COL11A2: variants seen among roughly 807,000 people sequenced by gnomAD.
COL11A2 encodes collagen alpha-2(XI) chain.
In COL11A2, 116 loss-of-function variants were observed where a neutral mutation model predicts 273.4. The observed-to-expected ratio is 0.42, with a 90% CI of 0.36 to 0.49. COL11A2 has a LOEUF of 0.49. COL11A2 is among the 20% of genes least tolerant of loss of function. The pLI is 0.00. For missense variants in COL11A2, 1,866 were observed against 2,309.0 expected, an observed-to-expected ratio of 0.81 and a Z score of 3.93; for synonymous variants, 782 against 864.2, an observed-to-expected ratio of 0.90 and a Z score of 1.67.
rs1295499564 is a variant in COL11A2, at chr6:33,179,826, T to C, written c.1360-21A>G. On this transcript the variant is annotated intron_variant, in intron 12 of 65. Coordinates refer to ENST00000341947, the MANE Select transcript of COL11A2 (RefSeq NM_080680.3). The surrounding 1 kb of genome is among the most constrained non-coding windows in gnomAD (Gnocchi z 6.4). ...CGGAACTGAGGTCAAGGAGAGAAGG[T>C]CCAGGTTCTCTTCCAAGAAAGCCAT... is the stretch of plus-strand genomic sequence containing the variant. 3 of 1,603,430 alleles carry C rather than the reference T, an allele frequency of 1.9e-6. No individual in the cohort carries two copies. Among genetic ancestry groups the C allele is most frequent in the Non-Finnish European group, 2.5e-6 (3 of 1,176,556 alleles).
At chr6:33,193,428 CCT>C (rs1773504567), upstream of COL11A2, among the ~76,000 whole-genome samples, 1 of 145,438 alleles carries the variant, frequency 6.9e-6, no homozygotes, top group African/African-American at 2.5e-5. Flanking sequence ...CCTCTCCCCC[CCT>C]CCCCGACAAA....
chr6:33,173,711 G>C lies in COL11A2; in HGVS notation c.2618C>G (p.Pro873Arg). The C allele has an allele frequency of 1.3e-6, 2 of 1,573,216 alleles. No homozygotes were observed. Among genetic ancestry groups the C allele is most frequent in the Non-Finnish European group, 1.7e-6 (2 of 1,158,156 alleles). The change falls in exon 35 of 66, where the codon CCT becomes CGT. Residue 873 changes from proline to arginine, a missense_variant. By Grantham distance (103) the Pro-to-Arg change is moderately radical. Coordinates refer to ENST00000341947, the MANE Select transcript of COL11A2 (RefSeq NM_080680.3). The surrounding 1 kb of genome is among the most constrained non-coding windows in gnomAD (Gnocchi z 6.3). Reference sequence around the variant, plus strand: ...TCGATCCACACTCACCCTCTCTCCAGGGGGCCCATGGGGGCCATCACCACC... The same window carrying C: ...TCGATCCACACTCACCCTCTCTCCACGGGGCCCATGGGGGCCATCACCACC... Reference protein sequence around the residue: ...TSGGDGPHGPPGERGLPGPQG... With the variant: ...TSGGDGPHGPRGERGLPGPQG...
At position 33,178,088 on chromosome 6, in the gene COL11A2, G is replaced by A; in HGVS notation, c.1872+44C>T. On this transcript the variant is annotated intron_variant, in intron 21 of 65. Transcript: ENST00000341947. The surrounding 1 kb of genome is among the most constrained non-coding windows in gnomAD (Gnocchi z 4.6). ...AGCTAGAAAGGTGGAGAGTTGGAGA[G>A]GTCAAGGGGTCACCTCAGGGTCAGA... 6.3e-7 allele frequency: 1 copy of A among 1,582,916 alleles called. No homozygotes were observed. The highest frequency in any genetic ancestry group is 8.6e-7 in the Non-Finnish European group (1 of 1,158,470).
At chr6:33,180,362 G>T in intron 11 of COL11A2, 30 bp from the exon 12 acceptor site, 1 of 1,580,508 alleles carries the variant, frequency 6.3e-7, no homozygotes, top group Non-Finnish European at 8.7e-7. Flanking sequence ...CAAAAGATGG[G>T]GTGAAAGATA....
chr6:33,165,008 G>A lies in COL11A2; in HGVS notation c.4751-44C>T. 1.4e-6 allele frequency: 2 copies of A among 1,460,022 alleles called. No individual in the cohort carries two copies. Among genetic ancestry groups the A allele is most frequent in the Non-Finnish European group, 1.9e-6 (2 of 1,063,784 alleles). 90.4% of individuals were successfully genotyped at this position (1,460,022 alleles called of 1,614,324 possible). A position where few individuals can be genotyped will look rare whatever the true frequency, so the allele number is the denominator to read the frequency against. ...GGGAGGTCAGGGCCACCTAGGTCCA[G>A]GCTCCAAGATGCTCTTTGCCCCCAC... On this transcript the variant is annotated intron_variant, in intron 63 of 65. Coordinates refer to ENST00000341947, the MANE Select transcript of COL11A2 (RefSeq NM_080680.3). This position sits in a 1 kb window ranked among gnomAD's most constrained non-coding sequence, Gnocchi z 7.7.
Position 33,171,756 on chromosome 6 carries a change from C to G in COL11A2, c.3107G>C (p.Gly1036Ala), listed in dbSNP as rs763713124. ...TGCTGCTCCAGGGGGACCCTGCGGG[C>G]CTGGGCGCCCTGGCGGACCAATGGG... ...GGPIGPPGRP[G>A]PQGPPGAAGE... is the part of the protein sequence containing the mutation. Residue 1036 changes from glycine to alanine, a missense_variant, in exon 42 of 66, where the codon GGC (glycine) becomes GCC (alanine). Coordinates refer to ENST00000341947, the MANE Select transcript of COL11A2 (RefSeq NM_080680.3). 5 of 1,613,016 alleles carry G rather than the reference C, an allele frequency of 3.1e-6. No homozygotes were observed. The highest frequency in any genetic ancestry group is 4.2e-6 in the Non-Finnish European group (5 of 1,179,992).
chr6:33,186,741 G>T lies in COL11A2; in HGVS notation c.684C>A (p.Cys228Ter), dbSNP rs773455327. ...GGGGTCTTTCCCTCTGGCCCCCCTCGCATTCCAGCTCCTTCTGTTCACATG... is the reference window on the plus strand; with the variant it reads ...GGGGTCTTTCCCTCTGGCCCCCCTCTCATTCCAGCTCCTTCTGTTCACATG... The part of the protein sequence containing the change: ...YESCEQKELE[C>*]EGGQRERPQN... Residue 228 changes from cysteine to a stop codon, truncating the protein, a stop_gained, in exon 5 of 66, where the codon TGC becomes TGA. Transcript: ENST00000341947. LOFTEE classifies it high-confidence loss of function. 2 of 1,614,084 alleles carry T rather than the reference G, an allele frequency of 1.2e-6. No individual in the cohort carries two copies. The highest frequency in any genetic ancestry group is 3.3e-5 in the Admixed American group (2 of 60,008).
At position 33,164,604 on chromosome 6, in the gene COL11A2, G is replaced by A; in HGVS notation, c.4864-131C>T. 2 of 844,880 alleles carry A rather than the reference G, an allele frequency of 2.4e-6. No homozygotes were observed. Among genetic ancestry groups the A allele is most frequent in the Non-Finnish European group, 3.6e-6 (2 of 556,106 alleles). The allele number at this position is 844,880 out of a possible 1,614,324, so 52.3% of individuals were successfully genotyped here. ...CCAGAGTCATGAGCAGGGAATGGCT[G>A]GAAGGCAAGGGCTGGGAAAGAAGTG... On this transcript the variant is annotated intron_variant, in intron 64 of 65. Transcript: ENST00000341947. The surrounding 1 kb of genome is among the most constrained non-coding windows in gnomAD (Gnocchi z 4.7).
Position 33,179,560 on chromosome 6 carries a change from C to T in COL11A2, c.1447-73G>A. On this transcript the variant is annotated intron_variant, in intron 13 of 65. Transcript: ENST00000341947. The surrounding 1 kb of genome is among the most constrained non-coding windows in gnomAD (Gnocchi z 6.4). The stretch of plus-strand genomic sequence containing the variant: ...CCCCAGCCCCAGCACTCTCCAAATT[C>T]ACCCTTCCTCTCCTGATCCTCATCC... 6.8e-7 allele frequency: 1 copy of T among 1,470,968 alleles called. No individual in the cohort carries two copies. Among genetic ancestry groups the T allele is most frequent in the South Asian group, 1.2e-5 (1 of 82,696 alleles). The allele number at this position is 1,470,968 out of a possible 1,614,324, so 91.1% of individuals were successfully genotyped here.
In COL11A2 at chr6:33,177,564, A is replaced by C; in HGVS notation, c.1917+98T>G. The C allele has an allele frequency of 6.3e-7, 1 of 1,584,798 alleles. No individual in the cohort carries two copies. Among genetic ancestry groups the C allele is most frequent in the Non-Finnish European group, 8.7e-7 (1 of 1,155,732 alleles). On this transcript the variant is annotated intron_variant, in intron 22 of 65. Coordinates refer to ENST00000341947, the MANE Select transcript of COL11A2 (RefSeq NM_080680.3). The surrounding 1 kb of genome is among the most constrained non-coding windows in gnomAD (Gnocchi z 5.9). ...CAGCAGCGATAGCCAAGAAGGCAAG[A>C]GCAGGAAGCAGGCAGGGGTCAAAAT...
chr6:33,167,595 G>C lies in COL11A2; in HGVS notation c.4015-62C>G. On this transcript the variant is annotated intron_variant, in intron 55 of 65. Coordinates refer to ENST00000341947, the MANE Select transcript of COL11A2 (RefSeq NM_080680.3). This position sits in a 1 kb window ranked among gnomAD's most constrained non-coding sequence, Gnocchi z 6.1. ...AGGAGTGGGGTGTGGGCAGGGGGCA[G>C]AGGGTCCAAGGTGGGAGGCAGGAGG... is the stretch of plus-strand genomic sequence containing the variant. The C allele has an allele frequency of 6.3e-7, 1 of 1,584,776 alleles. No homozygotes were observed. Among genetic ancestry groups the C allele is most frequent in the Non-Finnish European group, 8.6e-7 (1 of 1,158,552 alleles).
intron 1 of COL11A2, among the ~76,000 whole-genome samples, chr6:33,191,370 C>G (rs367760610): frequency 6.6e-6 from 1 of 152,258 alleles, no homozygotes; most frequent in Non-Finnish European, 1.5e-5. Context: ...TTCCAGCCTG[C>G]TGAGGACCTG....
At chr6:33,187,307 A>G (rs929119179) in intron 4 of COL11A2, among the ~76,000 whole-genome samples, 2 of 152,186 alleles carry the variant, frequency 1.3e-5, no homozygotes, top group Admixed American at 6.5e-5. Flanking sequence ...CTGAGTTCCA[A>G]TGGCATTTAC....
intron 4 of COL11A2, 59 bp from the exon 5 acceptor site, chr6:33,186,877 C>A: frequency 6.2e-7 from 1 of 1,609,226 alleles, no homozygotes. Context: ...AGGGTATCAT[C>A]CGGGAGAAAG....
chr6:33,184,444 G>A, intron 7 of COL11A2, 120 bp from the exon 8 acceptor site: 3 of 676,838 alleles, frequency 4.4e-6, no homozygotes, highest in Non-Finnish European at 6.5e-6. Context: ...AATCAGAACT[G>A]GATTTTTTCT....
rs1248348151 is a variant in COL11A2, at chr6:33,168,974, G to C, written c.3833C>G (p.Pro1278Arg). ...PVGFPGDPGP[P>R]GEGGPRGQDG... ...ACTCACCCGAGGGCCACCTTCTCCAGGGGGGCCAGGGTCACCAGGAAAACC... is the reference window on the plus strand; with the variant it reads ...ACTCACCCGAGGGCCACCTTCTCCACGGGGGCCAGGGTCACCAGGAAAACC... Residue 1278 changes from proline to arginine, a missense_variant, in exon 52 of 66, where the codon CCT becomes CGT. Transcript: ENST00000341947. 1 of 1,602,046 alleles carries C rather than the reference G, an allele frequency of 6.2e-7. No individual in the cohort carries two copies. Among genetic ancestry groups the C allele is most frequent in the Non-Finnish European group, 8.5e-7 (1 of 1,175,420 alleles).
rs570441175 is a variant in COL11A2, at chr6:33,168,778, G to A, written c.3853-19C>T. The stretch of plus-strand genomic sequence containing the variant: ...CCTGGCCCTGCAGAAGTGAAGCAAG[G>A]TCAGAGGTGGGCCCCCAACCTGGCT... On this transcript the variant is annotated intron_variant, in intron 52 of 65. Transcript: ENST00000341947. 10 of 1,597,480 alleles carry A rather than the reference G, an allele frequency of 6.3e-6. No homozygotes were observed. The highest frequency in any genetic ancestry group is 8.5e-6 in the Non-Finnish European group (10 of 1,171,894).
Position 33,189,056 on chromosome 6 carries a change from A to C in COL11A2, c.365T>G (p.Phe122Cys). ...LGLELGRPVR[F>C]LYEDQTGRPQ... is the part of the protein sequence containing the mutation. ...CCGCCCAGTCTGGTCTTCATACAGG[A>C]AGCGGACAGGTCGGCCCAGCTCCAG... Residue 122 changes from phenylalanine to cysteine, a missense_variant, in exon 3 of 66, where the codon TTC (phenylalanine) becomes TGC (cysteine). Phe to Cys is a radical substitution (Grantham distance 205). Transcript: ENST00000341947. This position sits in a 1 kb window ranked among gnomAD's most constrained non-coding sequence, Gnocchi z 5.6. 1 of 1,614,172 alleles carries C rather than the reference A, an allele frequency of 6.2e-7. No homozygotes were observed. The highest frequency in any genetic ancestry group is 8.5e-7 in the Non-Finnish European group (1 of 1,180,022).
At chr6:33,182,201 G>C (rs557913493) in intron 8 of COL11A2, among the ~76,000 whole-genome samples, 2 of 152,124 alleles carry the variant, frequency 1.3e-5, no homozygotes, top group African/African-American at 4.8e-5. Flanking sequence ...TTGAACCCAG[G>C]AGGTGGAGGT....
Sources: allele counts gnomAD v4.1 joint callset (sites outside exome capture counted in the v4.1 genomes callset), GRCh38; gene constraint gnomAD v4.1.1; non-coding constraint Gnocchi (gnomAD v3.1); transcripts MANE v1.5; gene names NCBI Gene and HGNC (gene_info 2026-07-23, HGNC 2026-07-21).